SHC4: variants seen among roughly 807,000 people sequenced by gnomAD.
The protein encoded by SHC4 is SHC-transforming protein 4.
Under a neutral mutation model 69.4 loss-of-function variants are expected in SHC4, and 41 were observed. That is an observed-to-expected ratio of 0.59 (90% confidence interval 0.46 to 0.77). The LOEUF is 0.77. Ranked by LOEUF, SHC4 falls within the 30% of genes least tolerant of loss-of-function variation. The probability of loss-of-function intolerance (pLI) is 0.00; values close to 1 mark genes in which losing one functional copy is unlikely to be tolerated. For synonymous variants in SHC4, 318 were observed against 299.3 expected, an observed-to-expected ratio of 1.06 and a Z score of -0.64; for missense variants, 777 against 783.8, an observed-to-expected ratio of 0.99 and a Z score of 0.10.
chr15:48,895,049 C>T (rs1417564495), intron 2 of SHC4, among the ~76,000 whole-genome samples: 1 of 152,066 alleles, frequency 6.6e-6, no homozygotes, highest in African/African-American at 2.4e-5. Context: ...AAGTGAGTCT[C>T]CCACCTCAGC....
chr15:48,927,737 C>T (rs1386600944), intron 1 of SHC4, among the ~76,000 whole-genome samples: 1 of 152,216 alleles, frequency 6.6e-6, no homozygotes, highest in East Asian at 1.9e-4. Context: ...ACATTCTGTC[C>T]GCCTGGCTCT....
intron 1 of SHC4, among the ~76,000 whole-genome samples, chr15:48,937,896 T>G (rs758074786): frequency 3.9e-5 from 6 of 152,250 alleles, no homozygotes; most frequent in Admixed American, 2.6e-4. Flanking sequence ...CAATATATCT[T>G]TGCAGAAATT....
rs753047448 is a variant in SHC4 at position 48,857,834 on chromosome 15, A to C, written c.947-19T>G. 6.7e-7 allele frequency: 1 copy of C among 1,486,880 alleles called. No individual in the cohort carries two copies. The highest frequency in any genetic ancestry group is 2.4e-5 in the East Asian group (1 of 42,344). 92.1% of individuals were successfully genotyped at this position (1,486,880 alleles called of 1,614,324 possible). ...TGACAGGCTGCAAGAGGACATACAA[A>C]AAATAATATTATAATAAATTTTTAG... On this transcript the variant is annotated intron_variant, in intron 6 of 11. Transcript: ENST00000332408.
chr15:48,878,727 T>C (rs756922227), intron 4 of SHC4: 2 of 1,612,998 alleles, frequency 1.2e-6, no homozygotes, highest in African/African-American at 1.3e-5. Context: ...GATGAGATTA[T>C]TGATAGAGAG....
intron 10 of SHC4, among the ~76,000 whole-genome samples, chr15:48,839,232 T>G (rs917311812): frequency 2.0e-5 from 3 of 152,190 alleles, no homozygotes; most frequent in Admixed American, 2.0e-4. Flanking sequence ...CGGAACTGCC[T>G]CTAAGCTAAT....
intron 1 of SHC4, among the ~76,000 whole-genome samples, chr15:48,952,873 C>A (rs1052793673): frequency 3.9e-5 from 6 of 152,158 alleles, no homozygotes; most frequent in Admixed American, 3.3e-4. Flanking sequence ...CTTCAAAGAT[C>A]TAAAGACAGA....
chr15:48,842,880 G>C, intron 10 of SHC4, among the ~76,000 whole-genome samples: 1 of 152,014 alleles, frequency 6.6e-6, no homozygotes, highest in East Asian at 1.9e-4. Context: ...GCAGTGACCC[G>C]TGATCATGCC....
At chr15:48,903,423 G>A (rs11858645) in intron 2 of SHC4, among the ~76,000 whole-genome samples, 8,533 of 152,142 alleles carry the variant, frequency 0.056, 335 homozygotes, top group Non-Finnish European at 0.08. Flanking sequence ...TAGCTATTTA[G>A]GATGTAGCAT....
At position 48,888,882 on chromosome 15, in the gene SHC4, C is replaced by CAA. The variant is rs36036782; in HGVS notation, c.720+1864_720+1865dup. Among the ~76,000 whole-genome samples the CAA allele has an allele frequency of 8.6e-3, 766 of 88,844 alleles. 17 individuals are homozygous for CAA. Among genetic ancestry groups the CAA allele is most frequent in the African/African-American group, 0.021 (503 of 23,814 alleles). 58.3% of individuals were successfully genotyped at this position (88,844 alleles called of 152,430 possible). ...AGCCTGGGTGACAGAGTGAAACTGT[C>CAA]AAAAAAAAAAAAAAAAAAAAAGTTA... On this transcript the variant is annotated intron_variant, in intron 3 of 11. Transcript: ENST00000332408.
intron 3 of SHC4, among the ~76,000 whole-genome samples, chr15:48,889,991 G>A (rs1567062350): frequency 6.6e-6 from 1 of 152,224 alleles, no homozygotes; most frequent in Non-Finnish European, 1.5e-5. Context: ...TAGCTTAATA[G>A]CAATAATACT....
chr15:48,898,786 A>G (rs1351019305), intron 2 of SHC4, among the ~76,000 whole-genome samples: 9 of 152,216 alleles, frequency 5.9e-5, no homozygotes, highest in Non-Finnish European at 1.5e-5. Context: ...TCAAAATTCA[A>G]ACACCTACAC....
In SHC4 at chr15:48,962,892, C is replaced by G. The variant is rs145408254; in HGVS notation, c.124G>C (p.Asp42His). ...ACCGAGCCTCCGGAGCTACCTTCGT[C>G]CAAGGACGTGATCGACTCGTTCCGA... The part of the protein sequence containing the change: ...RFRNESITSL[D>H]EGSSGGSVGN... The change falls in exon 1 of 12, where the codon GAC becomes CAC. Residue 42 changes from aspartate (D) to histidine (H), a missense_variant. Asp to His is a moderately conservative substitution (Grantham distance 81, BLOSUM62 -1). Coordinates refer to ENST00000332408, the MANE Select transcript of SHC4 (RefSeq NM_203349.4). The G allele has an allele frequency of 2.9e-4, 465 of 1,613,284 alleles. 1 individual carries two copies. Among genetic ancestry groups the G allele is most frequent in the Non-Finnish European group, 3.6e-4 (419 of 1,180,024 alleles).
chr15:48,850,670 C>A (rs1185089699), intron 9 of SHC4, among the ~76,000 whole-genome samples: 1 of 152,168 alleles, frequency 6.6e-6, no homozygotes, highest in African/African-American at 2.4e-5. Flanking sequence ...AAAGTTTTGT[C>A]CAACATCAAT....
At chr15:48,948,216 G>A (rs1331354254) in intron 1 of SHC4, among the ~76,000 whole-genome samples, 2 of 152,160 alleles carry the variant, frequency 1.3e-5, no homozygotes, top group Non-Finnish European at 2.9e-5. Flanking sequence ...AACAGCATTC[G>A]TTAAATGCTC....
intron 2 of SHC4, among the ~76,000 whole-genome samples, chr15:48,903,414 A>G (rs936900310): frequency 1.3e-5 from 2 of 152,112 alleles, no homozygotes; most frequent in African/African-American, 4.8e-5. Context: ...TTTTTTTTCT[A>G]GCTATTTAGG....
intron 2 of SHC4, among the ~76,000 whole-genome samples, chr15:48,895,183 C>T (rs577571867): frequency 4.6e-5 from 7 of 152,216 alleles, no homozygotes; most frequent in African/African-American, 1.7e-4. Flanking sequence ...TGAGTCATAA[C>T]AGTACCATTC....
At chr15:48,920,181 A>ATT (rs11390740) in intron 2 of SHC4, among the ~76,000 whole-genome samples, 2,812 of 146,192 alleles carry the variant, frequency 0.019, 78 homozygotes, top group East Asian at 0.1. Flanking sequence ...CGCCTGGCTA[A>ATT]TTTTTTTTTT....
At chr15:48,945,491 A>G (rs966745533) in intron 1 of SHC4, among the ~76,000 whole-genome samples, 1 of 152,246 alleles carries the variant, frequency 6.6e-6, no homozygotes, top group African/African-American at 2.4e-5. Flanking sequence ...TGGTGAATGG[A>G]TAACAAAATG....
chr15:48,836,442 A>G (rs571638851), intron 10 of SHC4, among the ~76,000 whole-genome samples: 50 of 152,328 alleles, frequency 3.3e-4, no homozygotes, highest in African/African-American at 1.2e-3. Flanking sequence ...TCCAGAACTA[A>G]TAATGTAAAA....
Sources: gnomAD v4.1 joint callset for allele counts (sites outside exome capture counted in the v4.1 genomes callset) on GRCh38, gnomAD v4.1.1 for gene constraint, MANE v1.5 for transcripts, NCBI Gene and HGNC (gene_info 2026-07-23, HGNC 2026-07-21) for gene names.